MACROD2: variants seen among roughly 807,000 people sequenced by gnomAD.
The protein encoded by MACROD2 is mono-ADP ribosylhydrolase 2.
In MACROD2, 36 loss-of-function variants were observed where a neutral mutation model predicts 70.4. The ratio of observed to expected loss-of-function variants is 0.51; its 90% CI spans 0.39 to 0.68. MACROD2 has a LOEUF of 0.68. Among genes scored for constraint, MACROD2 ranks in the 30% least tolerant of loss-of-function variants. MACROD2 has a pLI of 0.00. For synonymous variants in MACROD2, 172 were observed against 178.8 expected, an observed-to-expected ratio of 0.96 and a Z score of 0.30; for missense variants, 496 against 538.4, an observed-to-expected ratio of 0.92 and a Z score of 0.78.
chr20:14,810,654 CTGTT>C (rs2072698403), intron 5 of MACROD2, among the ~76,000 whole-genome samples: 1 of 152,086 alleles, frequency 6.6e-6, no homozygotes, highest in African/African-American at 2.4e-5. Flanking sequence ...CAAATTATCT[CTGTT>C]TGCAGATGAC....
At chr20:15,883,944 T>C (rs539603788) in intron 9 of MACROD2, among the ~76,000 whole-genome samples, 6 of 152,258 alleles carry the variant, frequency 3.9e-5, no homozygotes, top group African/African-American at 1.4e-4. Context: ...TTTATTATAA[T>C]AACAGCTAAT....
chr20:14,748,308 A>T (rs2071825875), intron 5 of MACROD2, among the ~76,000 whole-genome samples: 1 of 152,082 alleles, frequency 6.6e-6, no homozygotes, highest in African/African-American at 2.4e-5. Context: ...TCTCTGTCAC[A>T]ATTTGAAGTA....
At position 15,484,462 on chromosome 20, in the gene MACROD2, G is replaced by A. The variant is rs1246893135; in HGVS notation, c.572-15312G>A. ...GGGGCAAGAGGGCTAGAGTAAACTG[G>A]AATTAGGCATTTCCTTTCTTCTATC... On this transcript the variant is annotated intron_variant, in intron 7 of 17. Transcript: ENST00000684519. Among the ~76,000 whole-genome samples the A allele has an allele frequency of 3.3e-5, 5 of 152,222 alleles. No homozygotes were observed. The East Asian group carries it at 9.7e-4, about 29-fold the overall frequency.
rs181735877 is a variant in MACROD2, at chr20:14,486,707, C to T, written c.272-6772C>T. ...CTAATTTTTGTATTTTTAGTAGAGA[C>T]GGGGTTTCACCATGTTAGCCAGGGT... On this transcript the variant is annotated intron_variant, in intron 3 of 17. Transcript: ENST00000684519. Among the ~76,000 whole-genome samples, 8 of 151,654 alleles carry T rather than the reference C, an allele frequency of 5.3e-5. No individual in the cohort carries two copies. The East Asian group carries it at 7.8e-4, about 15-fold the overall frequency.
At chr20:15,566,937 A>T (rs2146617814) in intron 8 of MACROD2, among the ~76,000 whole-genome samples, 1 of 152,304 alleles carries the variant, frequency 6.6e-6, no homozygotes, top group African/African-American at 2.4e-5. Flanking sequence ...CTGTATCTCA[A>T]ATGATTCTCA....
chr20:14,022,244 A>C (rs889549210), intron 2 of MACROD2, among the ~76,000 whole-genome samples: 8 of 152,202 alleles, frequency 5.3e-5, no homozygotes, highest in Admixed American at 3.3e-4. Context: ...ATTGCCAATT[A>C]AACTATTACA....
intron 6 of MACROD2, among the ~76,000 whole-genome samples, chr20:15,344,414 C>T (rs886611491): frequency 6.6e-6 from 1 of 152,120 alleles, no homozygotes; most frequent in Non-Finnish European, 1.5e-5. Flanking sequence ...AGAAAAAGCT[C>T]TTCTGTGCTA....
intron 3 of MACROD2, among the ~76,000 whole-genome samples, chr20:14,130,563 A>G (rs1239322816): frequency 6.6e-6 from 1 of 152,116 alleles, no homozygotes; most frequent in Non-Finnish European, 1.5e-5. Context: ...GAAAGAAAGA[A>G]AAAGAAAATA....
chr20:14,360,364 G>A lies in MACROD2; in HGVS notation c.272-133115G>A, dbSNP rs369654335. 5.3e-5 allele frequency among the ~76,000 whole-genome samples: 8 copies of A among 152,202 alleles called. No homozygotes were observed. In the East Asian group the frequency reaches 1.4e-3, roughly 26 times the overall value. On this transcript the variant is annotated intron_variant, in intron 3 of 17. Coordinates refer to ENST00000684519, the MANE Select transcript of MACROD2 (RefSeq NM_001351661.2). ...TATACATATTTTAAAGAATAATGTT[G>A]TACATGATAAATATATACAATTTGT...
At chr20:15,022,250 A>G (rs2075193495) in intron 5 of MACROD2, among the ~76,000 whole-genome samples, 1 of 152,176 alleles carries the variant, frequency 6.6e-6, no homozygotes, top group African/African-American at 2.4e-5. Context: ...CATGACAGAT[A>G]TTTTAGCTGA....
At chr20:15,880,332 CAT>C (rs2147199336) in intron 9 of MACROD2, among the ~76,000 whole-genome samples, 1 of 151,740 alleles carries the variant, frequency 6.6e-6, no homozygotes, top group South Asian at 2.1e-4. Context: ...TTCACGTCCA[CAT>C]GTTTTTACAG....
At chr20:14,393,724 G>A (rs753454989) in intron 3 of MACROD2, among the ~76,000 whole-genome samples, 13 of 152,144 alleles carry the variant, frequency 8.5e-5, no homozygotes, top group Admixed American at 7.9e-4. Flanking sequence ...CTTGCCATAT[G>A]TGAGGGGAGT....
chr20:16,032,982 C>T (rs142361968), intron 15 of MACROD2, among the ~76,000 whole-genome samples: 3 of 152,082 alleles, frequency 2.0e-5, no homozygotes, highest in African/African-American at 2.4e-5. Context: ...ACTTATTTTG[C>T]GTGACTGTGA....
At chr20:15,879,668 A>G (rs1014587276) in intron 9 of MACROD2, among the ~76,000 whole-genome samples, 6 of 152,160 alleles carry the variant, frequency 3.9e-5, no homozygotes, top group African/African-American at 1.4e-4. Context: ...TCAACCTTGT[A>G]TATTAGTCAG....
At chr20:14,261,730 GATA>G (rs745504556) in intron 3 of MACROD2, among the ~76,000 whole-genome samples, 3 of 126,772 alleles carry the variant, frequency 2.4e-5, no homozygotes, top group Non-Finnish European at 3.9e-5. Context: ...TTATGTGTCA[GATA>G]CTGACAGTAC....
chr20:15,434,787 G>A lies in MACROD2; in HGVS notation c.571+3352G>A, dbSNP rs912399944. On this transcript the variant is annotated intron_variant, in intron 7 of 17. Coordinates refer to ENST00000684519, the MANE Select transcript of MACROD2 (RefSeq NM_001351661.2). ...CCAACCTAAATGCCCATCAACCAAT[G>A]AGTAGATAAAGAAAATGTGGTATGT... is the stretch of plus-strand genomic sequence containing the variant. Among the ~76,000 whole-genome samples the A allele has an allele frequency of 2.0e-5, 3 of 152,104 alleles. No individual in the cohort carries two copies. The South Asian group carries it at 6.2e-4, about 31-fold the overall frequency.
intron 4 of MACROD2, among the ~76,000 whole-genome samples, chr20:14,593,930 G>C (rs902418383): frequency 2.0e-5 from 3 of 152,064 alleles, no homozygotes; most frequent in Non-Finnish European, 4.4e-5. Context: ...TTCAATATTT[G>C]TCCTTCCCTT....
chr20:14,402,935 A>G (rs1177385460), intron 3 of MACROD2, among the ~76,000 whole-genome samples: 1 of 152,182 alleles, frequency 6.6e-6, no homozygotes. Flanking sequence ...TGCATGGGTA[A>G]TAGACTCAAA....
At chr20:15,424,031 C>G (rs2046264825) in intron 6 of MACROD2, among the ~76,000 whole-genome samples, 1 of 151,860 alleles carries the variant, frequency 6.6e-6, no homozygotes, top group African/African-American at 2.4e-5. Flanking sequence ...CTAGGTAGCT[C>G]TCTGACCTCT....
Sources: allele counts gnomAD v4.1 joint callset (sites outside exome capture counted in the v4.1 genomes callset), GRCh38; gene constraint gnomAD v4.1.1; transcripts MANE v1.5; gene names NCBI Gene and HGNC (gene_info 2026-07-23, HGNC 2026-07-21).